The following GLP2R variants were observed in gnomAD, a reference collection of about 807,000 sequenced individuals.
GLP2R encodes glucagon like peptide 2 receptor.
In GLP2R, 59 loss-of-function variants were observed where a neutral mutation model predicts 68.2. The observed-to-expected ratio is 0.87, with a 90% CI of 0.70 to 1.07. The LOEUF is 1.07. Among genes scored for constraint, GLP2R ranks in the 50% least tolerant of loss-of-function variants. GLP2R has a pLI of 0.00. For synonymous variants in GLP2R, 270 were observed against 265.4 expected, an observed-to-expected ratio of 1.02 and a Z score of -0.17; for missense variants, 548 against 677.4, an observed-to-expected ratio of 0.81 and a Z score of 2.12.
chr17:9,886,741 G>A (rs946257974), intron 11 of GLP2R, among the ~76,000 whole-genome samples: 1 of 152,082 alleles, frequency 6.6e-6, no homozygotes. Context: ...GCTCCAGAAG[G>A]GACATGCTGA....
chr17:9,877,547 T>A (rs1432732183), intron 10 of GLP2R, among the ~76,000 whole-genome samples: 1 of 152,210 alleles, frequency 6.6e-6, no homozygotes, highest in Non-Finnish European at 1.5e-5. Flanking sequence ...TATACCGTGT[T>A]GGTTTCTTAG....
Position 9,889,488 on chromosome 17 carries a change from C to T in GLP2R, c.1445C>T (p.Ser482Leu), listed in dbSNP as rs150579869. 13 of 1,614,164 alleles carry T rather than the reference C, an allele frequency of 8.1e-6. No homozygotes were observed. Among genetic ancestry groups the T allele is most frequent in the African/African-American group, 5.3e-5 (4 of 75,054 alleles). ...CTAGGAAAATGTCCCAAGAAGCTCT[C>T]GGAAGGAGATGGCGCTGAGAAGCTT... is the stretch of plus-strand genomic sequence containing the variant. Reference protein sequence around the residue: ...RFLGKCPKKLSEGDGAEKLRK... With the variant: ...RFLGKCPKKLLEGDGAEKLRK... Residue 482 changes from serine (S) to leucine (L), a missense_variant, in exon 13 of 13, where the codon TCG becomes TTG. By Grantham distance (145) the Ser-to-Leu change is moderately radical (BLOSUM62 -2). Transcript: ENST00000262441.
In GLP2R at chr17:9,833,834, A is replaced by T; in HGVS notation, c.217A>T (p.Thr73Ser). 6.2e-7 allele frequency: 1 copy of T among 1,613,202 alleles called. No individual in the cohort carries two copies. The highest frequency in any genetic ancestry group is 8.5e-7 in the Non-Finnish European group (1 of 1,179,494). The change falls in exon 2 of 13, where the codon ACT (threonine) becomes TCT (serine). Residue 73 changes from threonine (T) to serine (S), a missense_variant. Physicochemically the swap from Thr to Ser is moderately conservative, Grantham distance 58 (BLOSUM62 1). Transcript: ENST00000262441. The part of the protein sequence containing the change: ...QVTGSLLEET[T>S]RKWAQYKQAC... Reference sequence around the variant, plus strand: ...TACAGGATCCCTCCTTGAGGAAACGACTCGGAAGTGGGCTCAGTACAAACA... The same window carrying T: ...TACAGGATCCCTCCTTGAGGAAACGTCTCGGAAGTGGGCTCAGTACAAACA...
intron 4 of GLP2R, among the ~76,000 whole-genome samples, chr17:9,849,148 C>T (rs1047403812): frequency 1.3e-5 from 2 of 150,396 alleles, no homozygotes; most frequent in African/African-American, 4.9e-5. Flanking sequence ...TATGATTTTT[C>T]CAACATTTTA....
chr17:9,844,730 A>T (rs778063694), intron 4 of GLP2R, among the ~76,000 whole-genome samples: 1 of 110,150 alleles, frequency 9.1e-6, no homozygotes, highest in African/African-American at 3.6e-5. Context: ...TCGCTCTGTC[A>T]CCTAGGCTGG....
intron 3 of GLP2R, among the ~76,000 whole-genome samples, chr17:9,836,689 A>C (rs2152031364): frequency 6.6e-6 from 1 of 152,208 alleles, no homozygotes; most frequent in South Asian, 2.1e-4. Flanking sequence ...TTTGTGGGGT[A>C]CATGAGATGT....
At chr17:9,857,617 G>T (rs374782907) in intron 6 of GLP2R, 41 bp downstream of exon 6, 145 of 1,599,160 alleles carry the variant, frequency 9.1e-5, no homozygotes, top group Admixed American at 7.0e-4. Context: ...CTCCCCACCT[G>T]ATGGGTCAGT....
At chr17:9,880,641 A>T in intron 11 of GLP2R, 125 bp downstream of exon 11, 1 of 624,882 alleles carries the variant, frequency 1.6e-6, no homozygotes, top group Non-Finnish European at 2.7e-6. Flanking sequence ...AGCCTTTATC[A>T]GTAAGGGCCC....
intron 9 of GLP2R, among the ~76,000 whole-genome samples, chr17:9,862,734 G>A (rs896106337): frequency 6.6e-6 from 1 of 152,198 alleles, no homozygotes; most frequent in African/African-American, 2.4e-5. Context: ...GGAAGGGTTA[G>A]CAAGATCCCA....
chr17:9,878,160 C>T (rs1256338947), intron 10 of GLP2R, among the ~76,000 whole-genome samples: 4 of 152,046 alleles, frequency 2.6e-5, no homozygotes, highest in Non-Finnish European at 5.9e-5. Context: ...GTAGTACAAG[C>T]CGGGTGGGGG....
At chr17:9,842,716 C>A in intron 4 of GLP2R, 100 bp downstream of exon 4, 1 of 1,291,544 alleles carries the variant, frequency 7.7e-7, no homozygotes, top group South Asian at 1.3e-5. Flanking sequence ...CACAAAGAGG[C>A]TTCTCCAGCG....
Position 9,878,567 on chromosome 17 carries a change from C to T in GLP2R, c.1146-1811C>T, listed in dbSNP as rs148593096. 1.2e-4 allele frequency among the ~76,000 whole-genome samples: 19 copies of T among 152,286 alleles called. No individual in the cohort carries two copies. The East Asian group carries it at 2.9e-3, about 23-fold the overall frequency. ...CTGAGCTCAGCTCAAGAGAACCACACAGCCAAGGCCCATGATTCCATCTGT... is the reference window on the plus strand; with the variant it reads ...CTGAGCTCAGCTCAAGAGAACCACATAGCCAAGGCCCATGATTCCATCTGT... On this transcript the variant is annotated intron_variant, in intron 10 of 12. Transcript: ENST00000262441.
At chr17:9,832,825 G>A (rs1038494589) in intron 1 of GLP2R, among the ~76,000 whole-genome samples, 2 of 152,202 alleles carry the variant, frequency 1.3e-5, no homozygotes, top group Non-Finnish European at 2.9e-5. Flanking sequence ...TATCTGGAAA[G>A]CCCAAAACGT....
chr17:9,881,037 A>G (rs112107764), intron 11 of GLP2R, among the ~76,000 whole-genome samples: 1,806 of 152,296 alleles, frequency 0.012, 37 homozygotes, highest in African/African-American at 0.041. Flanking sequence ...TTAAATTATT[A>G]TCTATTTCTT....
chr17:9,883,721 A>G (rs568953940), intron 11 of GLP2R, among the ~76,000 whole-genome samples: 1 of 152,386 alleles, frequency 6.6e-6, no homozygotes, highest in African/African-American at 2.4e-5. Flanking sequence ...GAATGCTGAA[A>G]GAAAACAATT....
At chr17:9,887,234 A>T (rs76883617) in intron 11 of GLP2R, among the ~76,000 whole-genome samples, 2 of 143,016 alleles carry the variant, frequency 1.4e-5, no homozygotes, top group Admixed American at 6.9e-5. Context: ...CAGGCAAAGA[A>T]AAAAAAAAAA....
intron 9 of GLP2R, among the ~76,000 whole-genome samples, chr17:9,869,605 G>A (rs2067073639): frequency 6.6e-6 from 1 of 152,316 alleles, no homozygotes; most frequent in East Asian, 1.9e-4. Flanking sequence ...GCGCACACAC[G>A]TAGCTGGTGG....
At chr17:9,881,592 G>A (rs527866172) in intron 11 of GLP2R, among the ~76,000 whole-genome samples, 26 of 135,776 alleles carry the variant, frequency 1.9e-4, no homozygotes, top group Non-Finnish European at 3.5e-4. Flanking sequence ...GTTTTAGCCG[G>A]GATGGTCTCG....
intron 3 of GLP2R, among the ~76,000 whole-genome samples, chr17:9,840,372 T>G (rs1020042858): frequency 3.3e-5 from 5 of 152,248 alleles, no homozygotes; most frequent in Non-Finnish European, 5.9e-5. Context: ...AGCTGAGCCC[T>G]ATTTGTATCT....
Sources: gnomAD v4.1 joint callset for allele counts (sites outside exome capture counted in the v4.1 genomes callset) on GRCh38, gnomAD v4.1.1 for gene constraint, MANE v1.5 for transcripts, NCBI Gene and HGNC (gene_info 2026-07-23, HGNC 2026-07-21) for gene names.